Variants in STPG1 observed in about 807,000 individuals in gnomAD.
STPG1 encodes the protein O(6)-methylguanine-induced apoptosis 2.
In STPG1, 33 loss-of-function variants were observed where a neutral mutation model predicts 40.1. The ratio of observed to expected loss-of-function variants is 0.82; its 90% CI spans 0.62 to 1.10. STPG1 has a LOEUF of 1.10. STPG1 is among the 50% of genes least tolerant of loss of function. The probability of loss-of-function intolerance (pLI) is 0.00; values close to 1 mark genes in which losing one functional copy is unlikely to be tolerated. For missense variants in STPG1, 396 were observed against 415.1 expected, an observed-to-expected ratio of 0.95 and a Z score of 0.40; for synonymous variants, 150 against 155.0, an observed-to-expected ratio of 0.97 and a Z score of 0.24.
chr1:24,379,496 A>G (rs759125734), intron 5 of STPG1, 157 bp downstream of exon 5: 6 of 736,192 alleles, frequency 8.2e-6, no homozygotes, highest in African/African-American at 1.8e-5. Flanking sequence ...TCCCTGTAAG[A>G]GTCTTGTACA....
intron 7 of STPG1, among the ~76,000 whole-genome samples, chr1:24,365,243 A>T (rs573474364): frequency 2.6e-5 from 4 of 152,260 alleles, no homozygotes; most frequent in Admixed American, 6.5e-5. Context: ...CTGTGACAAG[A>T]CAGCGTGTCT....
chr1:24,390,325 C>T (rs1249226200), intron 3 of STPG1, among the ~76,000 whole-genome samples: 1 of 152,056 alleles, frequency 6.6e-6, no homozygotes. Flanking sequence ...AGGAACCACG[C>T]AGAACTTTCC....
intron 1 of STPG1, among the ~76,000 whole-genome samples, chr1:24,413,194 C>A (rs1643804544): frequency 6.6e-6 from 1 of 152,200 alleles, no homozygotes; most frequent in Non-Finnish European, 1.5e-5. Context: ...TAGCGGCGGG[C>A]TAGTGACCAC....
chr1:24,369,259 C>G (rs35671964), intron 7 of STPG1: 133,619 of 423,248 alleles, frequency 0.32, 22,221 homozygotes, highest in East Asian at 0.42. Flanking sequence ...TTTTATGTTA[C>G]AAAAATAGAA....
Position 24,379,805 on chromosome 1 carries a change from T to C in STPG1, c.310A>G (p.Ile104Val). 1.2e-6 allele frequency: 2 copies of C among 1,614,022 alleles called. No homozygotes were observed. The highest frequency in any genetic ancestry group is 8.5e-7 in the Non-Finnish European group (1 of 1,179,862). The change falls in exon 5 of 9, where the codon ATC becomes GTC. Residue 104 changes from isoleucine to valine, a missense_variant. Coordinates refer to ENST00000337248, the MANE Select transcript of STPG1 (RefSeq NM_001199013.2). ...FPSMCARLDTIISKYPAANAY... is the reference protein window; with the variant it reads ...FPSMCARLDTVISKYPAANAY... The stretch of plus-strand genomic sequence containing the variant: ...TTCGCTGCAGGGTATTTAGAAATGA[T>C]GGTGTCCAATCGGGCGCACTGTAAG...
At chr1:24,396,214 G>A (rs968675864) in intron 2 of STPG1, among the ~76,000 whole-genome samples, 3 of 152,200 alleles carry the variant, frequency 2.0e-5, no homozygotes, top group Middle Eastern at 3.4e-3. Context: ...AGGGATCAAC[G>A]AACTTTTTCT....
chr1:24,371,788 T>C (rs1346786055), intron 6 of STPG1, among the ~76,000 whole-genome samples: 1 of 152,184 alleles, frequency 6.6e-6, no homozygotes, highest in African/African-American at 2.4e-5. Flanking sequence ...AGAAGGCATT[T>C]ATGCTGCCAC....
intron 1 of STPG1, among the ~76,000 whole-genome samples, chr1:24,405,249 C>T (rs1446159172): frequency 6.6e-6 from 1 of 152,216 alleles, no homozygotes; most frequent in Admixed American, 6.5e-5. Context: ...TGAGCCACCG[C>T]ACCCAGCGCC....
intron 3 of STPG1, among the ~76,000 whole-genome samples, chr1:24,389,394 G>A (rs1347364558): frequency 1.3e-5 from 2 of 152,110 alleles, no homozygotes; most frequent in Admixed American, 6.5e-5. Flanking sequence ...GGCCACAAAG[G>A]CAGGTGTGGT....
rs774332264 is a variant in STPG1 at position 24,406,794 on chromosome 1, A to C, written c.-68-5338T>G. 3.9e-5 allele frequency among the ~76,000 whole-genome samples: 6 copies of C among 152,114 alleles called. 1 individual carries two copies. The South Asian group carries it at 1.2e-3, about 32-fold the overall frequency. On this transcript the variant is annotated intron_variant, in intron 1 of 8. Coordinates refer to ENST00000337248, the MANE Select transcript of STPG1 (RefSeq NM_001199013.2). ...GTAATAATTCTTTTTTTATCCATCA[A>C]CTTTTAAGCTTTTCTGTGTATCACT...
chr1:24,401,841 G>A (rs1431806023), intron 1 of STPG1, among the ~76,000 whole-genome samples: 4 of 151,910 alleles, frequency 2.6e-5, no homozygotes, highest in South Asian at 2.1e-4. Context: ...GATTACAGGC[G>A]CCCACCATCT....
At position 24,383,984 on chromosome 1, in the gene STPG1, C is replaced by T. The variant is rs1411781787; in HGVS notation, c.209G>A (p.Gly70Glu). ...TGACTGGTGAATAACATTGTAGAAC[C>T]CAGGTCCTGGGATATCATTCTGAAA... ...PHKKNDIPGPGFYNVIHQSPV... is the reference protein window; with the variant it reads ...PHKKNDIPGPEFYNVIHQSPV... Residue 70 changes from glycine (G) to glutamate (E), a missense_variant, in exon 4 of 9, where the codon GGG becomes GAG. Physicochemically the swap from Gly to Glu is moderately conservative, Grantham distance 98 (BLOSUM62 -2). Coordinates refer to ENST00000337248, the MANE Select transcript of STPG1 (RefSeq NM_001199013.2). 15 of 1,612,946 alleles carry T rather than the reference C, an allele frequency of 9.3e-6. No homozygotes were observed. Among genetic ancestry groups the T allele is most frequent in the African/African-American group, 1.3e-5 (1 of 74,888 alleles).
At chr1:24,388,265 A>G (rs1387281472) in intron 3 of STPG1, among the ~76,000 whole-genome samples, 1 of 152,186 alleles carries the variant, frequency 6.6e-6, no homozygotes, top group Non-Finnish European at 1.5e-5. Flanking sequence ...ACCACAATCC[A>G]GGGTGAAGTG....
intron 5 of STPG1, among the ~76,000 whole-genome samples, chr1:24,377,463 C>T (rs559440289): frequency 5.3e-4 from 80 of 152,174 alleles, no homozygotes; most frequent in African/African-American, 1.8e-3. Flanking sequence ...GTGGGCTGGG[C>T]TCCTTGCTAT....
At position 24,358,301 on chromosome 1, in the gene STPG1, C is replaced by G; in HGVS notation, c.*242G>C. On this transcript the variant is annotated 3_prime_UTR_variant, in exon 9 of 9. Coordinates refer to ENST00000337248, the MANE Select transcript of STPG1 (RefSeq NM_001199013.2). ...GCCAGGGGGCTCTGTCCACTCCTCC[C>G]TTCTGCTCAGGAAGCCACTGGAGTC... 1.5e-6 allele frequency: 1 copy of G among 671,420 alleles called. No homozygotes were observed. The allele number at this position is 671,420 out of a possible 1,614,324, so 41.6% of individuals were successfully genotyped here. A position where few individuals can be genotyped will look rare whatever the true frequency, so the allele number is the denominator to read the frequency against.
chr1:24,401,545 G>C, intron 1 of STPG1, 89 bp from the exon 2 acceptor site: 2 of 661,182 alleles, frequency 3.0e-6, no homozygotes, highest in Non-Finnish European at 5.4e-6. Flanking sequence ...AGGGTAAACT[G>C]AGAAATGGTG....
chr1:24,412,321 C>T (rs1389624909), intron 1 of STPG1, among the ~76,000 whole-genome samples: 1 of 152,182 alleles, frequency 6.6e-6, no homozygotes, highest in Non-Finnish European at 1.5e-5. Context: ...CAGGCATCGT[C>T]CTGCAGTCCT....
chr1:24,413,410 C>T (rs1643830884), intron 1 of STPG1, among the ~76,000 whole-genome samples: 1 of 152,262 alleles, frequency 6.6e-6, no homozygotes, highest in Non-Finnish European at 1.5e-5. Context: ...ACGCCCACGC[C>T]CCTGGCAGGA....
chr1:24,360,854 G>C lies in STPG1; in HGVS notation c.925C>G (p.Pro309Ala). 6.2e-7 allele frequency: 1 copy of C among 1,610,626 alleles called. No homozygotes were observed. The highest frequency in any genetic ancestry group is 1.1e-5 in the South Asian group (1 of 90,422). ...AAPPQPGLPG[P>A]ATYKPELPGK... ...TCATTTAAAACAATCCTCTGACCTG[G>C]GCCAGGCAGGCCTGGCTGAGGCGGC... Residue 309 changes from proline to alanine, a missense_variant, in exon 8 of 9, where the codon CCA becomes GCA. Physicochemically the swap from Pro to Ala is conservative, Grantham distance 27. Coordinates refer to ENST00000337248, the MANE Select transcript of STPG1 (RefSeq NM_001199013.2).
Sources: gnomAD v4.1 joint callset for allele counts (sites outside exome capture counted in the v4.1 genomes callset) on GRCh38, gnomAD v4.1.1 for gene constraint, MANE v1.5 for transcripts, NCBI Gene and HGNC (gene_info 2026-07-23, HGNC 2026-07-21) for gene names.